KATNAL2: variants seen among roughly 807,000 people sequenced by gnomAD.
KATNAL2 encodes the protein katanin p60 ATPase-containing subunit A-like 2.
Under a neutral mutation model 76.3 loss-of-function variants are expected in KATNAL2, and 52 were observed. That is an observed-to-expected ratio of 0.68 (90% CI 0.55 to 0.86). The LOEUF is 0.86. Ranked by LOEUF, KATNAL2 falls within the 40% of genes least tolerant of loss-of-function variation. The probability of loss-of-function intolerance (pLI) is 0.00; values close to 1 mark genes in which losing one functional copy is unlikely to be tolerated. For synonymous variants in KATNAL2, 243 were observed against 244.2 expected, an observed-to-expected ratio of 1.00 and a Z score of 0.05; for missense variants, 660 against 668.9, an observed-to-expected ratio of 0.99 and a Z score of 0.15.
In KATNAL2 at chr18:46,946,940, T is replaced by C. The variant is rs533620407; in HGVS notation, c.51+17T>C. On this transcript the variant is annotated intron_variant, in intron 3 of 17. Transcript: ENST00000683218. ...CGGGAAGCGGTAAGGAACGCATATA[T>C]AAAACATGATTATACCAAGAACCCC... 1 of 1,458,740 alleles carries C rather than the reference T, an allele frequency of 6.9e-7. No individual in the cohort carries two copies. Among genetic ancestry groups the C allele is most frequent in the Admixed American group, 2.0e-5 (1 of 50,886 alleles). The allele number at this position is 1,458,740 out of a possible 1,614,324, so 90.4% of individuals were successfully genotyped here. A position where few individuals can be genotyped will look rare whatever the true frequency, so the allele number is the denominator to read the frequency against.
At chr18:46,957,498 C>G (rs966436151) in intron 3 of KATNAL2, among the ~76,000 whole-genome samples, 17 of 150,958 alleles carry the variant, frequency 1.1e-4, no homozygotes, top group African/African-American at 2.2e-4. Flanking sequence ...TCGTGATCTG[C>G]CCGCCTTGGC....
intron 15 of KATNAL2, among the ~76,000 whole-genome samples, chr18:47,095,463 C>T (rs1044133205): frequency 1.3e-5 from 2 of 152,294 alleles, no homozygotes; most frequent in African/African-American, 4.8e-5. Context: ...TGTCCTGCCA[C>T]CCTGTAAAGA....
At position 47,093,813 on chromosome 18, in the gene KATNAL2, T is replaced by C. The variant is rs61546346; in HGVS notation, c.1212-5430T>C. ...GCATAGGCCACCATGCCTGGCCTTG[T>C]GTGTCTTTCTTGTCCTACTCTGTGA... On this transcript the variant is annotated intron_variant, in intron 15 of 17. Transcript: ENST00000683218. Among the ~76,000 whole-genome samples, 835 of 152,258 alleles carry C rather than the reference T, an allele frequency of 5.5e-3. 8 individuals are homozygous for C. The highest frequency in any genetic ancestry group is 0.019 in the African/African-American group (801 of 41,580).
intron 15 of KATNAL2, among the ~76,000 whole-genome samples, chr18:47,080,506 G>A (rs954047436): frequency 6.6e-6 from 1 of 152,134 alleles, no homozygotes; most frequent in Non-Finnish European, 1.5e-5. Context: ...GGCAATCACT[G>A]ATCTATTTTA....
At chr18:46,919,033 T>G (rs1391751686) in intron 1 of KATNAL2, among the ~76,000 whole-genome samples, 1 of 148,174 alleles carries the variant, frequency 6.7e-6, no homozygotes, top group Admixed American at 6.7e-5. Context: ...GTGTGTGTGT[T>G]GTGTATATAT....
chr18:46,935,703 G>A (rs2059068838), intron 1 of KATNAL2, among the ~76,000 whole-genome samples: 1 of 152,154 alleles, frequency 6.6e-6, no homozygotes. Context: ...GGATCGCAAA[G>A]TCAGGTGTTC....
At chr18:46,951,174 A>T (rs2146699407) in intron 3 of KATNAL2, among the ~76,000 whole-genome samples, 1 of 152,250 alleles carries the variant, frequency 6.6e-6, no homozygotes, top group African/African-American at 2.4e-5. Context: ...ATCAATTTTC[A>T]GTATTAATAT....
intron 1 of KATNAL2, among the ~76,000 whole-genome samples, chr18:46,939,377 C>G (rs1212949715): frequency 6.6e-6 from 1 of 151,382 alleles, no homozygotes; most frequent in Non-Finnish European, 1.5e-5. Flanking sequence ...GATTTATTTT[C>G]ATTCAAAAAG....
intron 5 of KATNAL2, among the ~76,000 whole-genome samples, chr18:47,053,347 T>A (rs2061388106): frequency 6.6e-6 from 1 of 152,214 alleles, no homozygotes; most frequent in Non-Finnish European, 1.5e-5. Context: ...TCCTTAGAGA[T>A]GAAAAGAACT....
rs199707362 is a variant in KATNAL2 at position 47,034,337 on chromosome 18, G to A, written c.52-12120G>A. ...GGCCTCTTCTTGTTCGAGTGACTGT[G>A]CTGAGGCCTCTTCTGGTGACTGTCT... On this transcript the variant is annotated intron_variant, in intron 3 of 17. Transcript: ENST00000683218. 2.5e-6 allele frequency: 4 copies of A among 1,613,424 alleles called. No individual in the cohort carries two copies. In the East Asian group the frequency reaches 6.7e-5, roughly 27 times the overall value.
intron 4 of KATNAL2, among the ~76,000 whole-genome samples, chr18:47,049,289 G>C (rs1308121913): frequency 2.6e-5 from 4 of 152,298 alleles, no homozygotes; most frequent in Non-Finnish European, 4.4e-5. Flanking sequence ...TATGTAACAT[G>C]CTTAGAATCA....
Position 47,049,772 on chromosome 18 carries a change from T to C in KATNAL2, c.123-3108T>C, listed in dbSNP as rs1477847847. Among the ~76,000 whole-genome samples, 3 of 152,230 alleles carry C rather than the reference T, an allele frequency of 2.0e-5. No homozygotes were observed. The East Asian group carries it at 5.8e-4, about 29-fold the overall frequency. On this transcript the variant is annotated intron_variant, in intron 4 of 17. Transcript: ENST00000683218. ...ACCTATCATCCAGGCTGGAGTGCAG[T>C]TGCCCAATCATGGCTCACTGCAGCC...
At chr18:47,071,184 G>T (rs1317507976) in intron 13 of KATNAL2, among the ~76,000 whole-genome samples, 1 of 152,096 alleles carries the variant, frequency 6.6e-6, no homozygotes, top group Non-Finnish European at 1.5e-5. Context: ...ATTTTTTGTA[G>T]AAACCAGGTT....
intron 13 of KATNAL2, among the ~76,000 whole-genome samples, chr18:47,073,483 A>G (rs1159154537): frequency 6.6e-6 from 1 of 152,192 alleles, no homozygotes; most frequent in Non-Finnish European, 1.5e-5. Context: ...AAGATCCTCA[A>G]CTGGACAATC....
intron 3 of KATNAL2, among the ~76,000 whole-genome samples, chr18:46,947,627 C>T (rs1393518311): frequency 6.6e-6 from 1 of 152,128 alleles, no homozygotes; most frequent in African/African-American, 2.4e-5. Flanking sequence ...ATACTTCTAC[C>T]TGGATCTCAT....
intron 3 of KATNAL2, among the ~76,000 whole-genome samples, chr18:47,031,872 C>G (rs551538377): frequency 1.3e-5 from 2 of 152,272 alleles, no homozygotes; most frequent in African/African-American, 2.4e-5. Flanking sequence ...CCCTTTGTCT[C>G]CATCCTGGCT....
At chr18:47,039,543 G>C (rs1599617782) in intron 3 of KATNAL2, among the ~76,000 whole-genome samples, 1 of 151,916 alleles carries the variant, frequency 6.6e-6, no homozygotes, top group Admixed American at 6.6e-5. Flanking sequence ...TCTTCCTCTG[G>C]GTATATGCAT....
chr18:47,081,504 T>G (rs2062519657), intron 15 of KATNAL2, among the ~76,000 whole-genome samples: 1 of 152,212 alleles, frequency 6.6e-6, no homozygotes, highest in Admixed American at 6.5e-5. Context: ...TACACTTACA[T>G]CACACCTCAG....
Position 47,040,694 on chromosome 18 carries a change from G to T in KATNAL2, c.52-5763G>T, listed in dbSNP as rs566593421. Among the ~76,000 whole-genome samples the T allele has an allele frequency of 7.9e-5, 12 of 152,296 alleles. No homozygotes were observed. In the South Asian group the frequency reaches 2.5e-3, roughly 32 times the overall value. ...CACACTTGTAGTCCCAGCTACTTGG[G>T]AGGCTGAGGTGGGAGGATCACTTCA... On this transcript the variant is annotated intron_variant, in intron 3 of 17. Coordinates refer to ENST00000683218, the MANE Select transcript of KATNAL2 (RefSeq NM_001387690.1).
Sources: allele counts gnomAD v4.1 joint callset (sites outside exome capture counted in the v4.1 genomes callset), GRCh38; gene constraint gnomAD v4.1.1; transcripts MANE v1.5; gene names NCBI Gene and HGNC (gene_info 2026-07-23, HGNC 2026-07-21).